The following TMC5 variants were observed in gnomAD, a reference collection of about 807,000 sequenced individuals.
TMC5 encodes transmembrane channel-like protein 5.
A neutral mutation model predicts 110.5 loss-of-function variants in TMC5; 86 were observed. The ratio of observed to expected loss-of-function variants is 0.78; its 90% CI spans 0.65 to 0.93. TMC5 has a LOEUF of 0.93. TMC5 is among the 40% of genes least tolerant of loss of function. The probability of loss-of-function intolerance (pLI) is 0.00; values close to 1 mark genes in which losing one functional copy is unlikely to be tolerated. For synonymous variants in TMC5, 455 were observed against 439.5 expected (o/e 1.04, Z -0.44); for missense variants, 1,144 against 1,222.8 (o/e 0.94, Z 0.96).
At chr16:19,413,133 C>T (rs147542204), upstream of TMC5, among the ~76,000 whole-genome samples, 114 of 152,254 alleles carry the variant, frequency 7.5e-4, no homozygotes, top group Non-Finnish European at 1.2e-3. Flanking sequence ...CGCACCCTAC[C>T]ACCCGCTTCT....
chr16:19,466,352 C>CT (rs1027625021), intron 9 of TMC5, 119 bp downstream of exon 9: 32 of 1,059,858 alleles, frequency 3.0e-5, no homozygotes, highest in Non-Finnish European at 4.2e-5. Context: ...CTCCTCTCCT[C>CT]TCTTTTCTTT....
rs757957310 is a variant in TMC5 at position 19,492,214 on chromosome 16, G to GAGC, written c.2815_2817dup (p.Gln939dup). On this transcript the variant is annotated inframe_insertion, in exon 19 of 22. Transcript: ENST00000542583. Reference sequence around the variant, plus strand: ...GAAGATTATGATAAGGCTGCTCCATGAGCAGATCATTAATGTAAGTCCCCT... The same window carrying GAGC: ...GAAGATTATGATAAGGCTGCTCCATGAGCAGCAGATCATTAATGTAAGTCCCCT... 5 of 1,613,100 alleles carry GAGC rather than the reference G, an allele frequency of 3.1e-6. No homozygotes were observed. In the African/African-American group the frequency reaches 6.7e-5, roughly 22 times the overall value.
intron 12 of TMC5, among the ~76,000 whole-genome samples, chr16:19,475,137 G>A (rs1968454348): frequency 1.3e-5 from 2 of 152,120 alleles, no homozygotes; most frequent in South Asian, 2.1e-4. Context: ...GTACAGGTCT[G>A]TAGGCCGGGC....
chr16:19,463,097 T>C (rs1357838712), intron 6 of TMC5, among the ~76,000 whole-genome samples, 183 bp from the exon 7 acceptor site: 1 of 152,016 alleles, frequency 6.6e-6, no homozygotes, highest in African/African-American at 2.4e-5. Flanking sequence ...GTTAATTTTT[T>C]TCTTAATAGA....
At chr16:19,443,213 C>A (rs536912997) in intron 3 of TMC5, among the ~76,000 whole-genome samples, 1 of 152,312 alleles carries the variant, frequency 6.6e-6, no homozygotes, top group East Asian at 1.9e-4. Context: ...TTCAGAACTT[C>A]TGATTCAATT....
intron 11 of TMC5, 123 bp from the exon 12 acceptor site, chr16:19,474,002 A>T: frequency 1.1e-6 from 1 of 889,502 alleles, no homozygotes; most frequent in Non-Finnish European, 1.6e-6. Flanking sequence ...ATAAATAAAT[A>T]GATAAATAGT....
chr16:19,424,304 A>G (rs1967045583), intron 1 of TMC5, among the ~76,000 whole-genome samples: 1 of 152,192 alleles, frequency 6.6e-6, no homozygotes, highest in East Asian at 1.9e-4. Context: ...CCTATAAACC[A>G]TATCATATTA....
intron 10 of TMC5, among the ~76,000 whole-genome samples, chr16:19,471,213 G>T (rs1968333056): frequency 6.6e-6 from 1 of 151,974 alleles, no homozygotes; most frequent in African/African-American, 2.4e-5. Flanking sequence ...ACCTCAGCCT[G>T]CTGAGTAGTG....
chr16:19,434,080 AAT>A (rs72054592), intron 2 of TMC5, among the ~76,000 whole-genome samples: 80,793 of 110,434 alleles, frequency 0.73, 29,987 homozygotes, highest in East Asian at 0.87. Context: ...TATTATATAT[AAT>A]ATATATATAT....
At chr16:19,429,177 A>G (rs1038855009) in intron 1 of TMC5, among the ~76,000 whole-genome samples, 2 of 152,144 alleles carry the variant, frequency 1.3e-5, no homozygotes, top group African/African-American at 4.8e-5. Context: ...TTGAAACCAC[A>G]GACCTTATTT....
At chr16:19,493,054 C>T (rs1205820497) in intron 19 of TMC5, among the ~76,000 whole-genome samples, 1 of 150,496 alleles carries the variant, frequency 6.6e-6, no homozygotes, top group African/African-American at 2.4e-5. Flanking sequence ...CTCCGCCTCC[C>T]GGGTTCAAGC....
At chr16:19,471,947 G>A in intron 10 of TMC5, 141 bp from the exon 11 acceptor site, 1 of 745,844 alleles carries the variant, frequency 1.3e-6, no homozygotes, top group Non-Finnish European at 2.2e-6. Flanking sequence ...TTTTGGTAGA[G>A]GCGGGGTTTC....
At chr16:19,449,691 C>T in intron 5 of TMC5, 60 bp downstream of exon 5, 1 of 1,491,038 alleles carries the variant, frequency 6.7e-7, no homozygotes, top group Non-Finnish European at 9.3e-7. Context: ...TTGTAATCCC[C>T]ATGTGTCGGG....
At chr16:19,421,039 G>A (rs950564350) in intron 1 of TMC5, among the ~76,000 whole-genome samples, 4 of 152,134 alleles carry the variant, frequency 2.6e-5, no homozygotes, top group Admixed American at 6.5e-5. Flanking sequence ...TCATTCCTGA[G>A]GTGAGATAAC....
rs762285251 is a variant in TMC5 at position 19,472,235 on chromosome 16, A to C, written c.1930A>C (p.Asn644His). The C allele has an allele frequency of 6.2e-7, 1 of 1,613,938 alleles. No homozygotes were observed. The highest frequency in any genetic ancestry group is 1.1e-5 in the South Asian group (1 of 91,076). The change falls in exon 11 of 22, where the codon AAC (asparagine) becomes CAC (histidine). Residue 644 changes from asparagine to histidine, a missense_variant. Coordinates refer to ENST00000542583, the MANE Select transcript of TMC5 (RefSeq NM_001261841.2). ...AGCCGTTTATTACCTGGCTGAGTACAACTTAGAGGTAACCAACACCAGGGT... is the reference window on the plus strand; with the variant it reads ...AGCCGTTTATTACCTGGCTGAGTACCACTTAGAGGTAACCAACACCAGGGT... ...CAAVYYLAEY[N>H]LEFLKTHSNP...
At position 19,440,440 on chromosome 16, in the gene TMC5, T is replaced by A; in HGVS notation, c.402T>A (p.Asn134Lys). 1.2e-6 allele frequency: 2 copies of A among 1,613,824 alleles called. No homozygotes were observed. The highest frequency in any genetic ancestry group is 8.5e-7 in the Non-Finnish European group (1 of 1,179,962). Residue 134 changes from asparagine (N) to lysine (K), a missense_variant, in exon 3 of 22, where the codon AAT (asparagine) becomes AAA (lysine). Physicochemically the swap from Asn to Lys is moderately conservative, Grantham distance 94. Coordinates refer to ENST00000542583, the MANE Select transcript of TMC5 (RefSeq NM_001261841.2). ...RQPDYPGSQR[N>K]PDFAGSSSSG... ...CAGACTACCCTGGATCTCAACGAAA[T>A]CCTGATTTTGCAGGCTCCAGCAGCA... is the stretch of plus-strand genomic sequence containing the variant.
rs58561457 is a variant in TMC5 at position 19,492,915 on chromosome 16, G to GATAGATATATATAT, written c.2826+690_2826+691insGATATATATATATA. ...ATTATTTTTTATTTATTAAAACTTAGATATATATATATATATATCTCTCTA... is the reference window on the plus strand; with the variant it reads ...ATTATTTTTTATTTATTAAAACTTAGATAGATATATATATATATATATATATATATATCTCTCTA... On this transcript the variant is annotated intron_variant, in intron 19 of 21. Transcript: ENST00000542583. 4.8e-3 allele frequency among the ~76,000 whole-genome samples: 204 copies of GATAGATATATATAT among 42,762 alleles called. 1 individual carries two copies. The highest frequency in any genetic ancestry group is 9.8e-3 in the African/African-American group (182 of 18,624). The allele number at this position is 42,762 out of a possible 152,430, so 28.1% of individuals were successfully genotyped here.
chr16:19,419,400 T>TG lies in TMC5; in HGVS notation c.-308+1310dup, dbSNP rs1177350590. Among the ~76,000 whole-genome samples the TG allele has an allele frequency of 4.2e-4, 57 of 134,740 alleles. 1 individual carries two copies. The highest frequency in any genetic ancestry group is 2.8e-4 in the Non-Finnish European group (18 of 63,214). 88.4% of individuals were successfully genotyped at this position (134,740 alleles called of 152,430 possible). ...AGAAGCTCAGTGGAAATGAATGTGT[T>TG]GGTTTTTTTTTTTTTTTTTTTTTTT... is the stretch of plus-strand genomic sequence containing the variant. On this transcript the variant is annotated intron_variant, in intron 1 of 21. Transcript: ENST00000542583.
intron 1 of TMC5, among the ~76,000 whole-genome samples, chr16:19,419,321 CTTA>C (rs760364877): frequency 7.5e-5 from 11 of 147,074 alleles, no homozygotes; most frequent in Admixed American, 2.7e-4. Context: ...TTATTATTAA[CTTA>C]TTATTATTGT....
Sources: allele counts gnomAD v4.1 joint callset (sites outside exome capture counted in the v4.1 genomes callset), GRCh38; gene constraint gnomAD v4.1.1; transcripts MANE v1.5; gene names NCBI Gene and HGNC (gene_info 2026-07-23, HGNC 2026-07-21).